CYP2W1: variants seen among roughly 807,000 people sequenced by gnomAD.
CYP2W1 encodes the protein cytochrome P450 family 2 subfamily W member 1.
Under a neutral mutation model 44.9 loss-of-function variants are expected in CYP2W1, and 51 were observed. That is an observed-to-expected ratio of 1.14 (90% CI 0.91 to 1.43). The LOEUF is 1.43. CYP2W1 is among the 40% of genes most tolerant of loss of function. CYP2W1 has a pLI of 0.00. For synonymous variants in CYP2W1, 383 were observed against 338.3 expected (o/e 1.13, Z -1.45); for missense variants, 746 against 700.0 (o/e 1.07, Z -0.74).
At position 983,188 on chromosome 7, in the gene CYP2W1, T is replaced by G; in HGVS notation, c.-24T>G. 6.9e-7 allele frequency: 1 copy of G among 1,453,176 alleles called. No homozygotes were observed. Among genetic ancestry groups the G allele is most frequent in the Non-Finnish European group, 9.2e-7 (1 of 1,092,586 alleles). The allele number at this position is 1,453,176 out of a possible 1,614,324, so 90.0% of individuals were successfully genotyped here. A position where few individuals can be genotyped will look rare whatever the true frequency, so the allele number is the denominator to read the frequency against. Reference sequence around the variant, plus strand: ...GGGGGGACGGGGCCCAGGAGGGGAGTGGAGCCTCACCAGCCACGTCCTCAT... The same window carrying G: ...GGGGGGACGGGGCCCAGGAGGGGAGGGGAGCCTCACCAGCCACGTCCTCAT... On this transcript the variant is annotated 5_prime_UTR_variant, in exon 1 of 9. Coordinates refer to ENST00000308919, the MANE Select transcript of CYP2W1 (RefSeq NM_017781.3).
intron 7 of CYP2W1, 116 bp from the exon 8 acceptor site, chr7:988,161 T>G: frequency 4.8e-6 from 6 of 1,255,914 alleles, no homozygotes; most frequent in Non-Finnish European, 5.4e-6. Flanking sequence ...CAAGGTGGGC[T>G]AACACCAGGT....
chr7:985,384 G>A (rs979387250), intron 4 of CYP2W1, 61 bp downstream of exon 4: 1 of 1,517,238 alleles, frequency 6.6e-7, no homozygotes, highest in African/African-American at 1.4e-5. Flanking sequence ...GCGTGCAGCA[G>A]GAGGACGGGG....
At chr7:985,440 A>G in intron 4 of CYP2W1, 117 bp downstream of exon 4, 1 of 1,194,678 alleles carries the variant, frequency 8.4e-7, no homozygotes, top group East Asian at 2.6e-5. Context: ...CCCACCTTGC[A>G]AAAGGAATCA....
At chr7:984,657 A>T in intron 2 of CYP2W1, 83 bp downstream of exon 2, 2 of 1,489,268 alleles carry the variant, frequency 1.3e-6, no homozygotes, top group Non-Finnish European at 1.8e-6. Flanking sequence ...CAGCAGCGGG[A>T]GAGGCTCCCA....
chr7:986,777 G>C lies in CYP2W1; in HGVS notation c.799G>C (p.Ala267Pro). The C allele has an allele frequency of 1.3e-6, 2 of 1,583,880 alleles. No homozygotes were observed. The highest frequency in any genetic ancestry group is 1.7e-6 in the Non-Finnish European group (2 of 1,164,452). The change falls in exon 5 of 9, where the codon GCC (alanine) becomes CCC (proline). Residue 267 changes from alanine (A) to proline (P), a missense_variant. Ala to Pro is a conservative substitution (Grantham distance 27, BLOSUM62 -1). Coordinates refer to ENST00000308919, the MANE Select transcript of CYP2W1 (RefSeq NM_017781.3). ...PGDPVCSYVD[A>P]LIQQGQGDDP... ...GGACCCCGTGTGCAGCTATGTGGAC[G>C]CCCTGATCCAGCAGGGACAGGTGTG...
At chr7:985,430 C>G in intron 4 of CYP2W1, 107 bp downstream of exon 4, 6 of 1,265,100 alleles carry the variant, frequency 4.7e-6, no homozygotes, top group Non-Finnish European at 6.4e-6. Context: ...TCTCGGCCCT[C>G]CCACCTTGCA....
intron 4 of CYP2W1, among the ~76,000 whole-genome samples, chr7:985,842 C>T (rs546632116): frequency 3.1e-4 from 47 of 152,362 alleles, no homozygotes; most frequent in Non-Finnish European, 5.9e-4. Flanking sequence ...ACCTGCATCA[C>T]GGCTGGACCC....
chr7:984,767 C>T (rs566772597), intron 2 of CYP2W1, among the ~76,000 whole-genome samples, 183 bp from the exon 3 acceptor site: 48 of 152,278 alleles, frequency 3.2e-4, no homozygotes, highest in African/African-American at 9.4e-4. Context: ...AACCAGCAAG[C>T]GGGGTTCTTT....
intron 2 of CYP2W1, 67 bp downstream of exon 2, chr7:984,641 G>A: frequency 6.6e-7 from 1 of 1,504,194 alleles, no homozygotes; most frequent in South Asian, 1.2e-5. Context: ...GGAGGGGTGG[G>A]GGCTCCAGCA....
chr7:983,520 C>T (rs1848083193), intron 1 of CYP2W1, 135 bp downstream of exon 1: 14 of 860,076 alleles, frequency 1.6e-5, no homozygotes, highest in Non-Finnish European at 2.1e-5. Context: ...CGCAGGAGGC[C>T]GGAGGGCCCA....
Position 983,369 on chromosome 7 carries a change from A to T in CYP2W1, c.158A>T (p.Asp53Val), listed in dbSNP as rs2128121247. ...CACTTGCTGCGTCTGTCGCAACAGG[A>T]CCGGTCCCTGATGGAGGTAAGTCAG... ...NLHLLRLSQQDRSLMELSERY... is the reference protein window; with the variant it reads ...NLHLLRLSQQVRSLMELSERY... Residue 53 changes from aspartate (D) to valine (V), a missense_variant, in exon 1 of 9, where the codon GAC becomes GTC. Transcript: ENST00000308919. 6.6e-7 allele frequency: 1 copy of T among 1,525,682 alleles called. No homozygotes were observed. The highest frequency in any genetic ancestry group is 1.4e-5 in the African/African-American group (1 of 72,526). The allele number at this position is 1,525,682 out of a possible 1,614,324, so 94.5% of individuals were successfully genotyped here. A position where few individuals can be genotyped will look rare whatever the true frequency, so the allele number is the denominator to read the frequency against.
chr7:988,379 C>T lies in CYP2W1; in HGVS notation c.1246C>T (p.His416Tyr). 1 of 1,612,694 alleles carries T rather than the reference C, an allele frequency of 6.2e-7. No individual in the cohort carries two copies. The highest frequency in any genetic ancestry group is 8.5e-7 in the Non-Finnish European group (1 of 1,179,828). Residue 416 changes from histidine (H) to tyrosine (Y), a missense_variant, in exon 8 of 9, where the codon CAC becomes TAC. Transcript: ENST00000308919. ...CGGCCATTTCCTGGACGCGAATGGGCACTTTGTGAAGCGGGAGGCCTTCCT... is the reference window on the plus strand; with the variant it reads ...CGGCCATTTCCTGGACGCGAATGGGTACTTTGTGAAGCGGGAGGCCTTCCT... ...NPGHFLDANGHFVKREAFLPF... is the reference protein window; with the variant it reads ...NPGHFLDANGYFVKREAFLPF...
chr7:983,425 G>A (rs540149853), intron 1 of CYP2W1, 40 bp downstream of exon 1: 7 of 1,420,468 alleles, frequency 4.9e-6, no homozygotes, highest in East Asian at 2.8e-5. Context: ...CGCTTGGACA[G>A]CTGCCGTGTC....
chr7:986,006 A>G (rs879745), intron 4 of CYP2W1, among the ~76,000 whole-genome samples: 93,400 of 151,968 alleles, frequency 0.61, 30,308 homozygotes, highest in African/African-American at 0.83. Flanking sequence ...GGAGCCAGGC[A>G]GGCCCAGAGC....
At chr7:985,610 C>T (rs1482262472) in intron 4 of CYP2W1, among the ~76,000 whole-genome samples, 1 of 152,172 alleles carries the variant, frequency 6.6e-6, no homozygotes. Context: ...GCAGGCATGG[C>T]TTCCCCAGAA....
chr7:988,027 G>T (rs1029915646), intron 7 of CYP2W1, among the ~76,000 whole-genome samples: 7 of 151,522 alleles, frequency 4.6e-5, no homozygotes, highest in Non-Finnish European at 1.5e-5. Context: ...TGTGTCCTGG[G>T]GGTCCCCTCT....
At position 984,998 on chromosome 7, in the gene CYP2W1, C is replaced by T. The variant is rs372407937; in HGVS notation, c.386C>T (p.Thr129Met). Residue 129 changes from threonine (T) to methionine (M), a missense_variant, in exon 3 of 9, where the codon ACG becomes ATG. Transcript: ENST00000308919. The part of the protein sequence containing the change: ...GARWRAARQF[T>M]VRALHSLGVG... ...CGCTGGAGGGCTGCCCGCCAGTTCA[C>T]GGTGCGTGCCCTGCACAGCCTGGGC... is the stretch of plus-strand genomic sequence containing the variant. 42 of 1,610,632 alleles carry T rather than the reference C, an allele frequency of 2.6e-5. No homozygotes were observed. Among genetic ancestry groups the T allele is most frequent in the Admixed American group, 1.0e-4 (6 of 59,962 alleles).
At chr7:988,174 G>A in intron 7 of CYP2W1, 103 bp from the exon 8 acceptor site, 3 of 1,334,292 alleles carry the variant, frequency 2.2e-6, no homozygotes, top group Non-Finnish European at 3.0e-6. Flanking sequence ...CACCAGGTGT[G>A]GTGGGTGTGG....
At position 987,386 on chromosome 7, in the gene CYP2W1, G is replaced by T; in HGVS notation, c.998G>T (p.Gly333Val). ...GAGCTAGACCGCGTGCTGGGCCCTG[G>T]GCGGACTCCCCGGCTGGAGGACCAG... ...QEELDRVLGPGRTPRLEDQQA... is the reference protein window; with the variant it reads ...QEELDRVLGPVRTPRLEDQQA... Residue 333 changes from glycine to valine, a missense_variant, in exon 7 of 9, where the codon GGG becomes GTG. By Grantham distance (109) the Gly-to-Val change is moderately radical. Transcript: ENST00000308919. The T allele has an allele frequency of 6.3e-7, 1 of 1,595,040 alleles. No individual in the cohort carries two copies. The highest frequency in any genetic ancestry group is 1.7e-4 in the Middle Eastern group (1 of 6,006).
Sources: allele counts gnomAD v4.1 joint callset (sites outside exome capture counted in the v4.1 genomes callset), GRCh38; gene constraint gnomAD v4.1.1; transcripts MANE v1.5; gene names NCBI Gene and HGNC (gene_info 2026-07-23, HGNC 2026-07-21).